PLCB1: variants seen among roughly 807,000 people sequenced by gnomAD.
PLCB1 encodes 1-phosphatidylinositol 4,5-bisphosphate phosphodiesterase beta-1.
A neutral mutation model predicts 161.8 loss-of-function variants in PLCB1; 46 were observed. The observed-to-expected ratio is 0.28, with a 90% CI of 0.22 to 0.36. The LOEUF (loss-of-function observed/expected upper bound fraction) is 0.36, where lower values mean the gene tolerates loss of function less well. Among genes scored for constraint, PLCB1 ranks in the 10% least tolerant of loss-of-function variants. The pLI is 1.00. For missense variants in PLCB1, 1,016 were observed against 1,472.5 expected, an observed-to-expected ratio of 0.69 and a Z score of 5.07; for synonymous variants, 517 against 503.7, an observed-to-expected ratio of 1.03 and a Z score of -0.35.
intron 2 of PLCB1, among the ~76,000 whole-genome samples, chr20:8,215,020 C>T (rs541387519): frequency 2.4e-4 from 36 of 152,068 alleles, no homozygotes; most frequent in Non-Finnish European, 4.6e-4. Flanking sequence ...CTGAAAAAGT[C>T]CTTTTCCTTC....
intron 20 of PLCB1, among the ~76,000 whole-genome samples, chr20:8,737,604 C>T (rs60514955): frequency 6.6e-6 from 1 of 152,174 alleles, no homozygotes; most frequent in Non-Finnish European, 1.5e-5. Context: ...TCTCTAGCCT[C>T]TGAGAGCTGG....
At chr20:8,786,730 C>G (rs115908552) in intron 27 of PLCB1, among the ~76,000 whole-genome samples, 1,730 of 150,796 alleles carry the variant, frequency 0.011, 35 homozygotes, top group African/African-American at 0.04. Flanking sequence ...CTCTTGTTGC[C>G]TAGAGTGTGC....
At chr20:8,703,750 A>G (rs1682668330) in intron 11 of PLCB1, among the ~76,000 whole-genome samples, 1 of 152,148 alleles carries the variant, frequency 6.6e-6, no homozygotes, top group African/African-American at 2.4e-5. Context: ...CCACACTAGC[A>G]TCCCCACTGT....
At chr20:8,336,435 A>C (rs1456046724) in intron 2 of PLCB1, among the ~76,000 whole-genome samples, 1 of 152,200 alleles carries the variant, frequency 6.6e-6, no homozygotes, top group African/African-American at 2.4e-5. Context: ...TCAGTGGGAT[A>C]GTATTACCAG....
intron 2 of PLCB1, among the ~76,000 whole-genome samples, chr20:8,272,230 A>T (rs1982322513): frequency 6.6e-6 from 1 of 152,132 alleles, no homozygotes; most frequent in African/African-American, 2.4e-5. Context: ...GATCATTTTC[A>T]TATTGGTAAG....
chr20:8,620,274 C>G (rs991707978), intron 3 of PLCB1, among the ~76,000 whole-genome samples: 3 of 152,040 alleles, frequency 2.0e-5, no homozygotes, highest in African/African-American at 7.3e-5. Flanking sequence ...ATGTGCGGCT[C>G]TCAGCCCTTA....
At chr20:8,312,879 T>C (rs1984470007) in intron 2 of PLCB1, among the ~76,000 whole-genome samples, 1 of 152,150 alleles carries the variant, frequency 6.6e-6, no homozygotes, top group Non-Finnish European at 1.5e-5. Flanking sequence ...TCTCCTGTGC[T>C]TGAAATTGTC....
At chr20:8,380,396 G>A (rs1265622778) in intron 3 of PLCB1, among the ~76,000 whole-genome samples, 1 of 152,134 alleles carries the variant, frequency 6.6e-6, no homozygotes, top group African/African-American at 2.4e-5. Flanking sequence ...CTCCAGCTTT[G>A]TTCTTTTTGC....
At chr20:8,760,214 A>G (rs1476373163) in intron 24 of PLCB1, among the ~76,000 whole-genome samples, 193 bp from the exon 25 acceptor site, 2 of 152,250 alleles carry the variant, frequency 1.3e-5, no homozygotes, top group East Asian at 3.9e-4. Flanking sequence ...CTAATGTTAC[A>G]TTTAATTAGG....
chr20:8,528,794 C>A (rs544618929), intron 3 of PLCB1, among the ~76,000 whole-genome samples: 2 of 151,816 alleles, frequency 1.3e-5, no homozygotes, highest in East Asian at 3.9e-4. Context: ...CTAGATAATA[C>A]GTATTCAATC....
At chr20:8,745,551 A>G (rs1424263150) in intron 23 of PLCB1, among the ~76,000 whole-genome samples, 1 of 152,080 alleles carries the variant, frequency 6.6e-6, no homozygotes, top group African/African-American at 2.4e-5. Context: ...TGATTTGAAC[A>G]ATAGATATTT....
intron 2 of PLCB1, among the ~76,000 whole-genome samples, chr20:8,309,231 AG>A (rs1197302294): frequency 6.6e-6 from 1 of 152,192 alleles, no homozygotes; most frequent in African/African-American, 2.4e-5. Flanking sequence ...TCTGTGAACA[AG>A]GGGGTATGCT....
In PLCB1 at chr20:8,414,016, T is replaced by C. The variant is rs143974311; in HGVS notation, c.246+42566T>C. ...CTTCCTGAAACTCTAACAGATTAAC[T>C]GAGAAGAAAACAAGTATTATATTTC... is the stretch of plus-strand genomic sequence containing the variant. On this transcript the variant is annotated intron_variant, in intron 3 of 31. Transcript: ENST00000338037. Among the ~76,000 whole-genome samples the C allele has an allele frequency of 9.2e-5, 14 of 152,184 alleles. No individual in the cohort carries two copies. The East Asian group carries it at 2.7e-3, about 29-fold the overall frequency.
At chr20:8,866,873 C>T (rs1987446534) in intron 31 of PLCB1, among the ~76,000 whole-genome samples, 1 of 152,118 alleles carries the variant, frequency 6.6e-6, no homozygotes, top group African/African-American at 2.4e-5. Context: ...CACCCAAAAA[C>T]CACAGCAATT....
intron 4 of PLCB1, among the ~76,000 whole-genome samples, chr20:8,643,843 G>C (rs920268655): frequency 6.9e-6 from 1 of 145,930 alleles, no homozygotes; most frequent in Non-Finnish European, 1.5e-5. Context: ...CTCTGATGCC[G>C]AGCCAAAGCT....
intron 3 of PLCB1, among the ~76,000 whole-genome samples, chr20:8,431,292 A>G (rs746530928): frequency 9.2e-5 from 14 of 152,220 alleles, no homozygotes; most frequent in Non-Finnish European, 2.9e-5. Context: ...CCTGTTGGAC[A>G]CAAGCCTTAA....
chr20:8,275,343 T>C (rs1461680695), intron 2 of PLCB1, among the ~76,000 whole-genome samples: 1 of 151,856 alleles, frequency 6.6e-6, no homozygotes, highest in Admixed American at 6.6e-5. Context: ...AAGCAGTGGA[T>C]GAATTCTTCC....
intron 9 of PLCB1, among the ~76,000 whole-genome samples, chr20:8,674,998 G>T (rs558478122): frequency 6.6e-6 from 1 of 152,068 alleles, no homozygotes; most frequent in Non-Finnish European, 1.5e-5. Flanking sequence ...AGATTTGATG[G>T]TATAATTTCT....
intron 2 of PLCB1, among the ~76,000 whole-genome samples, chr20:8,211,756 C>A (rs1467489830): frequency 2.0e-5 from 3 of 152,008 alleles, no homozygotes; most frequent in Non-Finnish European, 4.4e-5. Flanking sequence ...TATTGCAGTT[C>A]TTTTGTGAAT....
Sources: gnomAD v4.1 joint callset for allele counts (sites outside exome capture counted in the v4.1 genomes callset) on GRCh38, gnomAD v4.1.1 for gene constraint, MANE v1.5 for transcripts, NCBI Gene and HGNC (gene_info 2026-07-23, HGNC 2026-07-21) for gene names.